The following RBM20 variants were observed in gnomAD, a reference collection of about 807,000 sequenced individuals.
RBM20 encodes RNA-binding protein 20.
In RBM20, 51 loss-of-function variants were observed where a neutral mutation model predicts 110.1. That is an observed-to-expected ratio of 0.46 (90% CI 0.37 to 0.59). The LOEUF (loss-of-function observed/expected upper bound fraction) is 0.59, where lower values mean the gene tolerates loss of function less well. Ranked by LOEUF, RBM20 falls within the 20% of genes least tolerant of loss-of-function variation. RBM20 has a pLI of 0.00. For synonymous variants in RBM20, 589 were observed against 618.2 expected (o/e 0.95, Z 0.70); for missense variants, 1,512 against 1,574.9 (o/e 0.96, Z 0.68).
At chr10:110,749,413 C>A (rs1385132734) in intron 1 of RBM20, among the ~76,000 whole-genome samples, 2 of 151,152 alleles carry the variant, frequency 1.3e-5, no homozygotes, top group African/African-American at 4.9e-5. Flanking sequence ...AATAGGGTAC[C>A]TAGAAAAAAA....
At chr10:110,827,889 A>G (rs1845001982) in intron 12 of RBM20, 1 of 152,152 alleles carries the variant, frequency 6.6e-6, no homozygotes, top group African/African-American at 2.4e-5. Context: ...TCCCATGGAA[A>G]GCATAGAGCT....
chr10:110,711,972 G>A (rs144831151), intron 1 of RBM20, among the ~76,000 whole-genome samples: 220 of 152,254 alleles, frequency 1.4e-3, no homozygotes, highest in African/African-American at 5.1e-3. Context: ...GAAAGTGCTA[G>A]CATTGTTTCA....
chr10:110,697,425 AG>A (rs1316532048), intron 1 of RBM20, among the ~76,000 whole-genome samples: 2 of 152,212 alleles, frequency 1.3e-5, no homozygotes, highest in Non-Finnish European at 2.9e-5. Flanking sequence ...TGCATGACTG[AG>A]GGTGCTTAGT....
At chr10:110,792,290 T>C (rs1184094283) in intron 5 of RBM20, among the ~76,000 whole-genome samples, 1 of 152,198 alleles carries the variant, frequency 6.6e-6, no homozygotes, top group Non-Finnish European at 1.5e-5. Context: ...AGCATGAATT[T>C]CCTAAGAATA....
rs776322903 is a variant in RBM20 at position 110,682,364 on chromosome 10, G to A, written c.191+37719G>A. Among the ~76,000 whole-genome samples the A allele has an allele frequency of 3.3e-5, 5 of 152,148 alleles. No individual in the cohort carries two copies. The East Asian group carries it at 9.6e-4, about 29-fold the overall frequency. On this transcript the variant is annotated intron_variant, in intron 1 of 13. Coordinates refer to ENST00000369519, the MANE Select transcript of RBM20 (RefSeq NM_001134363.3). The stretch of plus-strand genomic sequence containing the variant: ...TCACTTATTTTGTAGAACACAGATG[G>A]AGCCAACTTTTTCTATCTAGGGCCA...
chr10:110,667,598 T>A (rs74769214), intron 1 of RBM20, among the ~76,000 whole-genome samples: 1 of 152,192 alleles, frequency 6.6e-6, no homozygotes. Flanking sequence ...CCACATTTTC[T>A]CTCCTTTCTA....
intron 1 of RBM20, among the ~76,000 whole-genome samples, chr10:110,736,646 G>A (rs1017046431): frequency 5.2e-5 from 6 of 115,122 alleles, no homozygotes; most frequent in African/African-American, 2.4e-4. Flanking sequence ...AGTGGAGGCT[G>A]TGCTCTGGCT....
chr10:110,657,702 G>A (rs753348428), intron 1 of RBM20, among the ~76,000 whole-genome samples: 48 of 152,252 alleles, frequency 3.2e-4, no homozygotes, highest in Admixed American at 1.3e-3. Flanking sequence ...TGTGGATATA[G>A]TGCAAACTCT....
chr10:110,668,210 G>A (rs536462687), intron 1 of RBM20, among the ~76,000 whole-genome samples: 49 of 151,702 alleles, frequency 3.2e-4, no homozygotes, highest in African/African-American at 1.0e-3. Flanking sequence ...CAAGCATCCC[G>A]CCTGGAATTC....
chr10:110,753,055 C>T (rs1028118014), intron 1 of RBM20, among the ~76,000 whole-genome samples: 2 of 150,966 alleles, frequency 1.3e-5, no homozygotes, highest in Non-Finnish European at 3.0e-5. Context: ...TCTCCTGCCT[C>T]AGCCCCCTGA....
intron 1 of RBM20, among the ~76,000 whole-genome samples, chr10:110,658,808 CT>C (rs1196357319): frequency 6.6e-6 from 1 of 152,148 alleles, no homozygotes; most frequent in Non-Finnish European, 1.5e-5. Context: ...TGGCTGCCCT[CT>C]TTCCCTCTCC....
At chr10:110,787,643 C>T (rs1009306153) in intron 5 of RBM20, among the ~76,000 whole-genome samples, 1 of 152,244 alleles carries the variant, frequency 6.6e-6, no homozygotes, top group Non-Finnish European at 1.5e-5. Flanking sequence ...CACAAGCTAT[C>T]TGATGATTTG....
intron 1 of RBM20, among the ~76,000 whole-genome samples, chr10:110,656,067 G>A (rs12246391): frequency 1.3e-5 from 2 of 152,104 alleles, no homozygotes; most frequent in Admixed American, 1.3e-4. Flanking sequence ...TTGGGAGGCC[G>A]AGGCACGTGG....
At chr10:110,664,306 C>T (rs1862147391) in intron 1 of RBM20, among the ~76,000 whole-genome samples, 2 of 152,302 alleles carry the variant, frequency 1.3e-5, no homozygotes, top group African/African-American at 4.8e-5. Context: ...TCAAAGACCA[C>T]GGTGTCCTGT....
At chr10:110,767,116 AC>A (rs1170862405) in intron 1 of RBM20, among the ~76,000 whole-genome samples, 6 of 62,314 alleles carry the variant, frequency 9.6e-5, no homozygotes, top group Non-Finnish European at 1.9e-4. Context: ...GGGGCGGCTG[AC>A]CCCCCCCACC....
intron 1 of RBM20, among the ~76,000 whole-genome samples, chr10:110,663,200 C>T (rs1314745124): frequency 6.6e-6 from 1 of 152,126 alleles, no homozygotes; most frequent in African/African-American, 2.4e-5. Context: ...TCAGGCAATC[C>T]ACCTGCCTCA....
intron 1 of RBM20, among the ~76,000 whole-genome samples, chr10:110,770,789 T>C (rs1367386132): frequency 6.6e-6 from 1 of 152,230 alleles, no homozygotes; most frequent in African/African-American, 2.4e-5. Flanking sequence ...TCACAGAACA[T>C]GGGGACCAGT....
At chr10:110,829,838 C>T (rs945328875) in intron 12 of RBM20, among the ~76,000 whole-genome samples, 1 of 152,150 alleles carries the variant, frequency 6.6e-6, no homozygotes, top group Non-Finnish European at 1.5e-5. Context: ...CTGTGCCATT[C>T]CCAGGCCCCT....
intron 1 of RBM20, among the ~76,000 whole-genome samples, chr10:110,683,746 T>C (rs1862457074): frequency 6.6e-6 from 1 of 152,212 alleles, no homozygotes; most frequent in Non-Finnish European, 1.5e-5. Flanking sequence ...ACAAAATGAA[T>C]ATGTTGAGTC....
Sources: gnomAD v4.1 joint callset for allele counts (sites outside exome capture counted in the v4.1 genomes callset) on GRCh38, gnomAD v4.1.1 for gene constraint, MANE v1.5 for transcripts, NCBI Gene and HGNC (gene_info 2026-07-23, HGNC 2026-07-21) for gene names.